COL14A1: variants seen among roughly 807,000 people sequenced by gnomAD.
COL14A1 encodes collagen alpha-1(XIV) chain.
Under a neutral mutation model 230.3 loss-of-function variants are expected in COL14A1, and 136 were observed. That is an observed-to-expected ratio of 0.59 (90% CI 0.51 to 0.68). The LOEUF (loss-of-function observed/expected upper bound fraction) is 0.68. Ranked by LOEUF, COL14A1 falls within the 30% of genes least tolerant of loss-of-function variation. COL14A1 has a pLI of 0.00. For synonymous variants in COL14A1, 792 were observed against 784.1 expected, an observed-to-expected ratio of 1.01 and a Z score of -0.17; for missense variants, 1,976 against 2,215.8, an observed-to-expected ratio of 0.89 and a Z score of 2.17.
intron 21 of COL14A1, among the ~76,000 whole-genome samples, chr8:120,248,381 G>A (rs191023615): frequency 2.5e-3 from 376 of 152,142 alleles, no homozygotes; most frequent in Non-Finnish European, 4.4e-3. Flanking sequence ...AGAGGAGACC[G>A]TATGCCCCAG....
In COL14A1 at chr8:120,280,054, A is replaced by G. The variant is rs1440507051; in HGVS notation, c.3601A>G (p.Ile1201Val). 1.2e-6 allele frequency: 2 copies of G among 1,613,750 alleles called. No individual in the cohort carries two copies. The highest frequency in any genetic ancestry group is 2.7e-5 in the African/African-American group (2 of 74,908). ...GGATGACTTTGACGCCTTTAAGAAA[A>G]TCGAAGATGAGTTAATTACTTTTGT... ...FVDDFDAFKK[I>V]EDELITFVCE... The change falls in exon 29 of 48, where the codon ATC becomes GTC. Residue 1201 changes from isoleucine (I) to valine (V), a missense_variant. Around this residue, in one of 3 missense-constraint regions of COL14A1, gnomAD observed 1,791 missense variants for 2,019.5 expected, o/e 0.89. Coordinates refer to ENST00000297848, the MANE Select transcript of COL14A1 (RefSeq NM_021110.4).
chr8:120,361,654 T>C (rs1312337284), intron 45 of COL14A1, among the ~76,000 whole-genome samples: 1 of 152,152 alleles, frequency 6.6e-6, no homozygotes, highest in Non-Finnish European at 1.5e-5. Context: ...ATAATCTCTG[T>C]GACTTTTTGG....
intron 5 of COL14A1, among the ~76,000 whole-genome samples, chr8:120,193,984 C>G (rs1389356230): frequency 2.0e-5 from 3 of 152,224 alleles, no homozygotes; most frequent in Non-Finnish European, 4.4e-5. Flanking sequence ...AGGGAACTCC[C>G]TGACCCCTTG....
intron 40 of COL14A1, among the ~76,000 whole-genome samples, chr8:120,323,848 T>C (rs1821556255): frequency 6.6e-6 from 1 of 152,172 alleles, no homozygotes; most frequent in Admixed American, 6.6e-5. Flanking sequence ...AGTCATGAAG[T>C]GTGATGCCTC....
chr8:120,186,476 G>T (rs2130662415), intron 5 of COL14A1, among the ~76,000 whole-genome samples: 1 of 152,332 alleles, frequency 6.6e-6, no homozygotes, highest in African/African-American at 2.4e-5. Context: ...GCCCCTAAAT[G>T]AATCCTAGAC....
intron 5 of COL14A1, among the ~76,000 whole-genome samples, chr8:120,192,950 A>T (rs943176930): frequency 1.3e-5 from 2 of 152,022 alleles, no homozygotes; most frequent in Non-Finnish European, 2.9e-5. Context: ...CATTCGTCTA[A>T]ATTTTTTTCA....
chr8:120,256,009 C>T (rs1050313742), intron 23 of COL14A1, among the ~76,000 whole-genome samples: 5 of 151,912 alleles, frequency 3.3e-5, no homozygotes, highest in South Asian at 2.1e-4. Context: ...TATCTAGAGC[C>T]GGTTAATCCT....
At chr8:120,367,886 G>A (rs559409455) in intron 46 of COL14A1, among the ~76,000 whole-genome samples, 2 of 151,564 alleles carry the variant, frequency 1.3e-5, no homozygotes, top group African/African-American at 4.9e-5. Context: ...TGAGGCTACA[G>A]TGAACCGTGA....
chr8:120,311,592 T>G (rs1821038485), intron 37 of COL14A1, among the ~76,000 whole-genome samples: 1 of 152,208 alleles, frequency 6.6e-6, no homozygotes, highest in Non-Finnish European at 1.5e-5. Flanking sequence ...TCCACCAATG[T>G]GGACAGTGCA....
intron 42 of COL14A1, among the ~76,000 whole-genome samples, chr8:120,335,346 C>T (rs1025364308): frequency 1.8e-4 from 27 of 152,180 alleles, no homozygotes; most frequent in African/African-American, 6.5e-4. Context: ...CCCTTGAAAG[C>T]AGCAGGAGGG....
chr8:120,264,961 C>T (rs1446002148), intron 24 of COL14A1, among the ~76,000 whole-genome samples: 1 of 152,122 alleles, frequency 6.6e-6, no homozygotes, highest in African/African-American at 2.4e-5. Flanking sequence ...ATTTGGATAG[C>T]TCTGTTTGAT....
Position 120,289,726 on chromosome 8 carries a change from A to G in COL14A1, c.4196A>G (p.Lys1399Arg), listed in dbSNP as rs533504930. The change falls in exon 34 of 48, where the codon AAA becomes AGA. Residue 1399 changes from lysine (K) to arginine (R), a missense_variant. By Grantham distance (26) the Lys-to-Arg change is conservative. Around this residue, in one of 3 missense-constraint regions of COL14A1, gnomAD observed 1,791 missense variants for 2,019.5 expected, o/e 0.89. Transcript: ENST00000297848. The stretch of plus-strand genomic sequence containing the variant: ...TCAGATGGTGTAGAAGTGCTAGGGA[A>G]AATGGTTCGATCAAGAGGACCAGGT... ...ITSDGVEVLG[K>R]MVRSRGPGGN... 245 of 1,613,904 alleles carry G rather than the reference A, an allele frequency of 1.5e-4. 1 individual carries two copies. The South Asian group carries it at 2.5e-3, about 17-fold the overall frequency.
chr8:120,236,832 G>T (rs943951872), intron 19 of COL14A1, among the ~76,000 whole-genome samples: 8 of 152,036 alleles, frequency 5.3e-5, no homozygotes, highest in Admixed American at 2.0e-4. Context: ...AAATCCCTCA[G>T]CATTTGCTTG....
At chr8:120,218,422 G>A (rs1817832167) in intron 14 of COL14A1, among the ~76,000 whole-genome samples, 1 of 151,300 alleles carries the variant, frequency 6.6e-6, no homozygotes, top group Non-Finnish European at 1.5e-5. Context: ...TGATTCTCTT[G>A]GCTCAGCCTC....
At chr8:120,331,521 A>G (rs1379962758) in intron 40 of COL14A1, among the ~76,000 whole-genome samples, 1 of 152,212 alleles carries the variant, frequency 6.6e-6, no homozygotes, top group Non-Finnish European at 1.5e-5. Flanking sequence ...TCTATAATTG[A>G]GGAAGATGTT....
chr8:120,363,497 T>C (rs765034510), intron 45 of COL14A1, among the ~76,000 whole-genome samples: 16 of 152,174 alleles, frequency 1.1e-4, no homozygotes, highest in Non-Finnish European at 1.8e-4. Flanking sequence ...GGTGATGTGT[T>C]GATAGGTGCA....
chr8:120,286,902 G>T (rs1267706667), intron 33 of COL14A1, among the ~76,000 whole-genome samples: 2 of 152,156 alleles, frequency 1.3e-5, no homozygotes, highest in Non-Finnish European at 2.9e-5. Flanking sequence ...GATCATTGGG[G>T]TGGACATCTA....
intron 1 of COL14A1, among the ~76,000 whole-genome samples, chr8:120,146,288 G>A (rs1469476041): frequency 6.6e-6 from 1 of 152,134 alleles, no homozygotes; most frequent in Non-Finnish European, 1.5e-5. Context: ...CTTCTACTCA[G>A]CTTTCGGTAT....
At chr8:120,213,904 C>CGT (rs1554608613) in intron 13 of COL14A1, 14 of 412,622 alleles carry the variant, frequency 3.4e-5, no homozygotes, top group Non-Finnish European at 6.2e-5. Context: ...AATTATATTG[C>CGT]TTTTTTTTCT....
Sources: gnomAD v4.1 joint callset for allele counts (sites outside exome capture counted in the v4.1 genomes callset) on GRCh38, gnomAD v4.1.1 for gene constraint, gnomAD v4.1.1 regional missense constraint, MANE v1.5 for transcripts, NCBI Gene and HGNC (gene_info 2026-07-23, HGNC 2026-07-21) for gene names.